Variants in TMEM245 observed in about 807,000 individuals in gnomAD.
TMEM245 encodes the protein transmembrane protein 245.
A neutral mutation model predicts 101.2 loss-of-function variants in TMEM245; 69 were observed. That is an observed-to-expected ratio of 0.68 (90% CI 0.56 to 0.83). The LOEUF (loss-of-function observed/expected upper bound fraction) is 0.83. Ranked by LOEUF, TMEM245 falls within the 40% of genes least tolerant of loss-of-function variation. The pLI, the probability that TMEM245 is intolerant of heterozygous loss-of-function variation, is 0.00. For missense variants in TMEM245, 1,075 were observed against 1,092.8 expected, an observed-to-expected ratio of 0.98 and a Z score of 0.23; for synonymous variants, 537 against 449.8, an observed-to-expected ratio of 1.19 and a Z score of -2.45.
chr9:109,051,430 T>C (rs752343498), intron 12 of TMEM245, among the ~76,000 whole-genome samples: 5 of 152,018 alleles, frequency 3.3e-5, no homozygotes, highest in Admixed American at 3.3e-4. Context: ...AAATGTGTCA[T>C]TAGGCAATTT....
chr9:109,097,412 G>A (rs987069497), intron 3 of TMEM245, among the ~76,000 whole-genome samples: 1 of 152,148 alleles, frequency 6.6e-6, no homozygotes, highest in African/African-American at 2.4e-5. Flanking sequence ...GGGCATAGAA[G>A]GTCTCACATT....
At chr9:109,038,154 A>G in intron 14 of TMEM245, 37 bp from the exon 15 acceptor site, 1 of 1,527,524 alleles carries the variant, frequency 6.5e-7, no homozygotes, top group South Asian at 1.2e-5. Context: ...GAGTAAATAA[A>G]CAGTGTCATA....
chr9:109,085,565 C>T (rs1564198072), intron 7 of TMEM245, among the ~76,000 whole-genome samples: 1 of 152,176 alleles, frequency 6.6e-6, no homozygotes, highest in Non-Finnish European at 1.5e-5. Context: ...GGAAACCATA[C>T]AAATATTTCA....
At chr9:109,093,726 C>T in intron 3 of TMEM245, 135 bp from the exon 4 acceptor site, 1 of 735,248 alleles carries the variant, frequency 1.4e-6, no homozygotes, top group Non-Finnish European at 2.4e-6. Context: ...TGGTTCTTCA[C>T]CAAGGAAGAA....
At position 109,080,551 on chromosome 9, in the gene TMEM245, TA is replaced by T. The variant is rs565295832; in HGVS notation, c.1449+287del. The stretch of plus-strand genomic sequence containing the variant: ...CCAGATCCTAATTCTCCTATTAAAC[TA>T]AAAAAAACAAGCGCCACTTGTTCTT... On this transcript the variant is annotated intron_variant, in intron 8 of 17. Transcript: ENST00000374586. Among the ~76,000 whole-genome samples the T allele has an allele frequency of 5.6e-3, 846 of 151,728 alleles. 8 individuals are homozygous for T. The highest frequency in any genetic ancestry group is 0.019 in the African/African-American group (799 of 41,406).
rs1391712044 is a variant in TMEM245, at chr9:109,119,641, G to A, written c.273C>T (p.Gly91=). 2.6e-6 allele frequency: 4 copies of A among 1,564,000 alleles called. No individual in the cohort carries two copies. The highest frequency in any genetic ancestry group is 3.5e-6 in the Non-Finnish European group (4 of 1,157,356). Residue 91 remains glycine (G), a synonymous_variant, in exon 1 of 18, where the codon GGC becomes GGT. Coordinates refer to ENST00000374586, the MANE Select transcript of TMEM245 (RefSeq NM_032012.4). ...LRPLLWAVLC[G]TFLHPFKSSL... ...AGCTCTTGAAGGGGTGCAGAAAAGT[G>A]CCGCATAGCACGGCCCAGAGCAGCG... is the stretch of plus-strand genomic sequence containing the variant.
chr9:109,104,130 T>C (rs892815916), intron 3 of TMEM245, among the ~76,000 whole-genome samples: 6 of 152,026 alleles, frequency 3.9e-5, no homozygotes, highest in African/African-American at 1.4e-4. Context: ...TAGTATTTGA[T>C]AGCATAACAG....
intron 8 of TMEM245, among the ~76,000 whole-genome samples, chr9:109,077,279 T>C (rs184870431): frequency 1.2e-3 from 179 of 152,224 alleles, no homozygotes; most frequent in Non-Finnish European, 2.8e-4. Context: ...GCCTCTCAAG[T>C]AGCTGGGACT....
chr9:109,088,434 A>C (rs1178456433), intron 5 of TMEM245, among the ~76,000 whole-genome samples: 1 of 152,180 alleles, frequency 6.6e-6, no homozygotes, highest in Admixed American at 6.5e-5. Flanking sequence ...AGCTATAACT[A>C]AGAGAAATGA....
At chr9:109,034,887 T>C (rs1317139573) in intron 16 of TMEM245, among the ~76,000 whole-genome samples, 1 of 152,198 alleles carries the variant, frequency 6.6e-6, no homozygotes, top group African/African-American at 2.4e-5. Context: ...CCGGGCATCG[T>C]GGCTCATGCC....
rs938474024 is a variant in TMEM245 at position 109,017,230 on chromosome 9, G to C, written c.*3230C>G. The C allele has an allele frequency of 1.3e-5, 2 of 152,214 alleles. No homozygotes were observed. Among genetic ancestry groups the C allele is most frequent in the African/African-American group, 4.8e-5 (2 of 41,454 alleles). 9.4% of individuals were successfully genotyped at this position (152,214 alleles called of 1,614,324 possible). A position where few individuals can be genotyped will look rare whatever the true frequency, so the allele number is the denominator to read the frequency against. The stretch of plus-strand genomic sequence containing the variant: ...TCCACTTTCAAAGGCTACAGAGTTT[G>C]TTTACATACAAGGTCTCCATGTAAC... On this transcript the variant is annotated 3_prime_UTR_variant, in exon 18 of 18. Coordinates refer to ENST00000374586, the MANE Select transcript of TMEM245 (RefSeq NM_032012.4).
intron 14 of TMEM245, among the ~76,000 whole-genome samples, chr9:109,045,753 A>C (rs1427774133): frequency 6.6e-6 from 1 of 152,214 alleles, no homozygotes; most frequent in Non-Finnish European, 1.5e-5. Flanking sequence ...TATGAGATGA[A>C]TCTTTCATCA....
rs6825 is a variant in TMEM245, at chr9:109,119,647, T to C, written c.267A>G (p.Leu89=). Residue 89 remains leucine (L), a synonymous_variant, in exon 1 of 18, where the codon CTA becomes CTG. Transcript: ENST00000374586. ...TGAAGGGGTGCAGAAAAGTGCCGCA[T>C]AGCACGGCCCAGAGCAGCGGCCGCA... The part of the protein sequence containing the change: ...AFLRPLLWAV[L]CGTFLHPFKS... 0.44 allele frequency: 683,176 copies of C among 1,559,866 alleles called. 153,407 individuals carry two copies. The highest frequency in any genetic ancestry group is 0.46 in the Non-Finnish European group (536,713 of 1,155,292).
Position 109,106,505 on chromosome 9 carries a change from T to C in TMEM245, c.799+3A>G. 6.3e-7 allele frequency: 1 copy of C among 1,598,810 alleles called. No homozygotes were observed. Among genetic ancestry groups the C allele is most frequent in the South Asian group, 1.1e-5 (1 of 89,110 alleles). ...AGTATTAATAGAATGCCCTATTTCT[T>C]ACCAGAAGACTCTTTTCCATTCTGT... On this transcript the variant is annotated splice_donor_region_variant and intron_variant, in intron 3 of 17. Transcript: ENST00000374586.
In TMEM245 at chr9:109,016,277, A is replaced by T. The variant is rs1236973090; in HGVS notation, c.*4183T>A. ...CAGCATTCCTTCATTTTAATTGACCATGCAATCCCCCACCCCCAACACACA... is the reference window on the plus strand; with the variant it reads ...CAGCATTCCTTCATTTTAATTGACCTTGCAATCCCCCACCCCCAACACACA... On this transcript the variant is annotated 3_prime_UTR_variant, in exon 18 of 18. Transcript: ENST00000374586. 1 of 152,172 alleles carries T rather than the reference A, an allele frequency of 6.6e-6. No individual in the cohort carries two copies. Among genetic ancestry groups the T allele is most frequent in the African/African-American group, 2.4e-5 (1 of 41,428 alleles). 9.4% of individuals were successfully genotyped at this position (152,172 alleles called of 1,614,324 possible).
In TMEM245 at chr9:109,087,770, T is replaced by C. The variant is rs565622145; in HGVS notation, c.1151-428A>G. On this transcript the variant is annotated intron_variant, in intron 5 of 17. Coordinates refer to ENST00000374586, the MANE Select transcript of TMEM245 (RefSeq NM_032012.4). Reference sequence around the variant, plus strand: ...TGTCAAATATTCTTCTTTTCCTTAGTTGCTCGTTATTTAGTGACCAGAAAA... The same window carrying C: ...TGTCAAATATTCTTCTTTTCCTTAGCTGCTCGTTATTTAGTGACCAGAAAA... Among the ~76,000 whole-genome samples the C allele has an allele frequency of 2.1e-4, 32 of 152,374 alleles. 1 individual carries two copies. Among genetic ancestry groups the C allele is most frequent in the African/African-American group, 7.7e-4 (32 of 41,594 alleles).
Position 109,106,528 on chromosome 9 carries a change from T to C in TMEM245, c.779A>G (p.Gln260Arg), listed in dbSNP as rs768935589. ...CTTACCAGAAGACTCTTTTCCATTCTGTTTTTCATAGAGGGTACCCACAGA... is the reference window on the plus strand; with the variant it reads ...CTTACCAGAAGACTCTTTTCCATTCCGTTTTTCATAGAGGGTACCCACAGA... ...LMSVGTLYEK[Q>R]NGKESSGAEL... Residue 260 changes from glutamine (Q) to arginine (R), a missense_variant, in exon 3 of 18, where the codon CAG (glutamine) becomes CGG (arginine). This residue lies in a region of TMEM245 where 808 missense variants were observed against 741.5 expected (regional missense o/e 1.09). Coordinates refer to ENST00000374586, the MANE Select transcript of TMEM245 (RefSeq NM_032012.4). The C allele has an allele frequency of 1.2e-6, 2 of 1,610,282 alleles. No individual in the cohort carries two copies. Among genetic ancestry groups the C allele is most frequent in the Non-Finnish European group, 1.7e-6 (2 of 1,177,760 alleles).
At chr9:109,038,186 T>C (rs899931611) in intron 14 of TMEM245, 69 bp from the exon 15 acceptor site, 1 of 1,196,970 alleles carries the variant, frequency 8.4e-7, no homozygotes, top group Non-Finnish European at 1.2e-6. Context: ...AAAAATCACG[T>C]GACCACTTGA....
intron 5 of TMEM245, among the ~76,000 whole-genome samples, chr9:109,088,166 G>C (rs1829895178): frequency 6.6e-6 from 1 of 152,216 alleles, no homozygotes; most frequent in Non-Finnish European, 1.5e-5. Flanking sequence ...CCTAACTCTA[G>C]AGATTTGTGT....
Sources: allele counts gnomAD v4.1 joint callset (sites outside exome capture counted in the v4.1 genomes callset), GRCh38; gene constraint gnomAD v4.1.1; regional missense constraint gnomAD v4.1.1; transcripts MANE v1.5; gene names NCBI Gene and HGNC (gene_info 2026-07-23, HGNC 2026-07-21).